The following HS3ST4 variants were observed in gnomAD, a reference collection of about 807,000 sequenced individuals.
The protein encoded by HS3ST4 is heparan sulfate-glucosamine 3-sulfotransferase 4.
A neutral mutation model predicts 29.2 loss-of-function variants in HS3ST4; 17 were observed. The observed-to-expected ratio is 0.58, with a 90% CI of 0.40 to 0.87. HS3ST4 has a LOEUF of 0.87. Ranked by LOEUF, HS3ST4 falls within the 40% of genes least tolerant of loss-of-function variation. The probability of loss-of-function intolerance (pLI) is 0.00; values close to 1 mark genes in which losing one functional copy is unlikely to be tolerated. For missense variants in HS3ST4, 627 were observed against 634.5 expected (o/e 0.99, Z 0.13); for synonymous variants, 314 against 285.7 (o/e 1.10, Z -1.00).
intron 1 of HS3ST4, among the ~76,000 whole-genome samples, chr16:26,062,037 T>G (rs1000729643): frequency 6.6e-6 from 1 of 152,228 alleles, no homozygotes; most frequent in African/African-American, 2.4e-5. Context: ...GGCTACATCA[T>G]GTGTTCTACC....
chr16:25,949,183 C>T (rs571464323), intron 1 of HS3ST4, among the ~76,000 whole-genome samples: 2 of 152,130 alleles, frequency 1.3e-5, no homozygotes, highest in South Asian at 4.2e-4. Flanking sequence ...GTATCCAACC[C>T]CTCAAGCATT....
rs146705580 is a variant in HS3ST4 at position 25,753,380 on chromosome 16, T to C, written c.734+60229T>C. On this transcript the variant is annotated intron_variant, in intron 1 of 1. Coordinates refer to ENST00000331351, the MANE Select transcript of HS3ST4 (RefSeq NM_006040.3). Reference sequence around the variant, plus strand: ...CAGATGTGTTGATATCTTTCTTTCATAGTCCAGGTCTCATAACATTAGTGA... The same window carrying C: ...CAGATGTGTTGATATCTTTCTTTCACAGTCCAGGTCTCATAACATTAGTGA... 1.4e-4 allele frequency among the ~76,000 whole-genome samples: 21 copies of C among 152,358 alleles called. No homozygotes were observed. The East Asian group carries it at 3.9e-3, about 28-fold the overall frequency.
At position 25,871,746 on chromosome 16, in the gene HS3ST4, G is replaced by C. The variant is rs1485743138; in HGVS notation, c.734+178595G>C. Among the ~76,000 whole-genome samples the C allele has an allele frequency of 2.6e-5, 4 of 152,122 alleles. No individual in the cohort carries two copies. The South Asian group carries it at 8.3e-4, about 32-fold the overall frequency. On this transcript the variant is annotated intron_variant, in intron 1 of 1. Transcript: ENST00000331351. ...CTCACACATTATGTTAACAGCTCAG[G>C]TAGCTATCTTTCTATCTTACTGGGT... is the stretch of plus-strand genomic sequence containing the variant.
intron 1 of HS3ST4, among the ~76,000 whole-genome samples, chr16:25,943,058 A>T (rs997061224): frequency 1.3e-5 from 2 of 152,252 alleles, no homozygotes; most frequent in Non-Finnish European, 2.9e-5. Flanking sequence ...AACCATAACC[A>T]TAATTCTAAT....
chr16:25,828,354 C>T (rs1242606668), intron 1 of HS3ST4, among the ~76,000 whole-genome samples: 1 of 142,146 alleles, frequency 7.0e-6, no homozygotes, highest in East Asian at 2.1e-4. Flanking sequence ...CCCTTTCTCT[C>T]TCTCTTTCCA....
intron 1 of HS3ST4, among the ~76,000 whole-genome samples, chr16:26,019,927 CCAGCCTGACTGA>C (rs1434231800): frequency 6.6e-6 from 1 of 152,158 alleles, no homozygotes; most frequent in African/African-American, 2.4e-5. Flanking sequence ...TACCCCATCC[CCAGCCTGACTGA>C]CACCCACTTC....
intron 1 of HS3ST4, among the ~76,000 whole-genome samples, chr16:25,932,985 G>A (rs565661426): frequency 6.6e-6 from 1 of 152,288 alleles, no homozygotes; most frequent in African/African-American, 2.4e-5. Flanking sequence ...AATGATGGCA[G>A]GTAATCAGAG....
At chr16:25,921,570 A>G (rs976116220) in intron 1 of HS3ST4, among the ~76,000 whole-genome samples, 1 of 152,160 alleles carries the variant, frequency 6.6e-6, no homozygotes, top group Non-Finnish European at 1.5e-5. Context: ...ACTTTGCCTT[A>G]TGGAGACTGA....
chr16:25,916,449 G>A (rs1284950661), intron 1 of HS3ST4, among the ~76,000 whole-genome samples: 1 of 151,656 alleles, frequency 6.6e-6, no homozygotes, highest in Admixed American at 6.6e-5. Flanking sequence ...TGCAACCTCC[G>A]CCTTCTGGGT....
intron 1 of HS3ST4, among the ~76,000 whole-genome samples, chr16:25,705,890 C>T (rs2943333): frequency 0.57 from 86,681 of 151,894 alleles, 26,311 homozygotes; most frequent in Admixed American, 0.67. Flanking sequence ...GTGTTGGGAT[C>T]GACTTAGTCT....
intron 1 of HS3ST4, among the ~76,000 whole-genome samples, chr16:25,724,091 C>T (rs1045674410): frequency 4.2e-5 from 5 of 120,222 alleles, no homozygotes; most frequent in South Asian, 2.9e-4. Context: ...TCCAGCCTGG[C>T]GACAGAGCGA....
chr16:25,912,881 T>C lies in HS3ST4; in HGVS notation c.734+219730T>C, dbSNP rs572188990. Among the ~76,000 whole-genome samples the C allele has an allele frequency of 2.3e-3, 343 of 152,310 alleles. 1 individual carries two copies. The highest frequency in any genetic ancestry group is 3.6e-3 in the Non-Finnish European group (244 of 68,032). ...CATAATACATTGGGTATCTGCTATG[T>C]GTCAGTTCTGTTTTGGTGCCAGTGA... On this transcript the variant is annotated intron_variant, in intron 1 of 1. Coordinates refer to ENST00000331351, the MANE Select transcript of HS3ST4 (RefSeq NM_006040.3).
chr16:25,849,414 A>C (rs1450547407), intron 1 of HS3ST4, among the ~76,000 whole-genome samples: 2 of 152,110 alleles, frequency 1.3e-5, no homozygotes, highest in African/African-American at 4.8e-5. Flanking sequence ...TTTTCTTTGA[A>C]ATTCTGAATC....
chr16:25,902,224 A>G (rs1441965024), intron 1 of HS3ST4, among the ~76,000 whole-genome samples: 1 of 152,172 alleles, frequency 6.6e-6, no homozygotes, highest in Non-Finnish European at 1.5e-5. Flanking sequence ...TTTTGTATTC[A>G]AAAGATGAAG....
chr16:26,008,173 C>A (rs1055463028), intron 1 of HS3ST4, among the ~76,000 whole-genome samples: 4 of 152,106 alleles, frequency 2.6e-5, no homozygotes, highest in African/African-American at 9.7e-5. Flanking sequence ...TCTGAAGTGG[C>A]CAAAGCAAGA....
chr16:25,878,197 A>T (rs547746369), intron 1 of HS3ST4, among the ~76,000 whole-genome samples: 6 of 152,166 alleles, frequency 3.9e-5, no homozygotes, highest in Non-Finnish European at 8.8e-5. Flanking sequence ...TGTGATGAGG[A>T]CCAAATGAGA....
chr16:25,920,730 T>C (rs1162779755), intron 1 of HS3ST4, among the ~76,000 whole-genome samples: 1 of 151,548 alleles, frequency 6.6e-6, no homozygotes, highest in African/African-American at 2.4e-5. Flanking sequence ...AGCCTCCGAG[T>C]AGCTGGGACT....
At chr16:25,732,612 A>G (rs889643852) in intron 1 of HS3ST4, among the ~76,000 whole-genome samples, 1 of 151,958 alleles carries the variant, frequency 6.6e-6, no homozygotes, top group Non-Finnish European at 1.5e-5. Flanking sequence ...AAGGAGTATC[A>G]AAAAAAAGGA....
chr16:25,788,792 A>C (rs1966862058), intron 1 of HS3ST4, among the ~76,000 whole-genome samples: 1 of 150,928 alleles, frequency 6.6e-6, no homozygotes, highest in Non-Finnish European at 1.5e-5. Context: ...CTCCCACCTC[A>C]CCCCCACAAA....
Sources: allele counts gnomAD v4.1 joint callset (sites outside exome capture counted in the v4.1 genomes callset), GRCh38; gene constraint gnomAD v4.1.1; transcripts MANE v1.5; gene names NCBI Gene and HGNC (gene_info 2026-07-23, HGNC 2026-07-21).